The following CPEB3 variants were observed in gnomAD, a reference collection of about 807,000 sequenced individuals.
CPEB3 encodes cytoplasmic polyadenylation element-binding protein 3.
In CPEB3, 20 loss-of-function variants were observed where a neutral mutation model predicts 67.2. The observed-to-expected ratio is 0.30, with a 90% CI of 0.21 to 0.43. The LOEUF is 0.43. CPEB3 is among the 20% of genes least tolerant of loss of function. The probability of loss-of-function intolerance (pLI) is 1.00; values close to 1 mark genes in which losing one functional copy is unlikely to be tolerated. For synonymous variants in CPEB3, 376 were observed against 393.1 expected (o/e 0.96, Z 0.51); for missense variants, 746 against 968.6 (o/e 0.77, Z 3.05).
intron 1 of CPEB3, among the ~76,000 whole-genome samples, chr10:92,246,226 C>G (rs1477521279): frequency 8.6e-5 from 13 of 150,312 alleles, no homozygotes; most frequent in Non-Finnish European, 1.8e-4. Context: ...CCTGGCTACT[C>G]GGGAGGCTGA....
rs963499637 is a variant in CPEB3, at chr10:92,253,706, T to G, written c.-11-13345A>C. On this transcript the variant is annotated intron_variant, in intron 1 of 9. Transcript: ENST00000265997. ...CTGCAGTGAGCTGTGATTGTGCCAC[T>G]GCACTACAGCCTGGGTGACAGTGAG... Among the ~76,000 whole-genome samples the G allele has an allele frequency of 2.0e-5, 3 of 152,080 alleles. No homozygotes were observed. In the East Asian group the frequency reaches 5.8e-4, roughly 29 times the overall value.
chr10:92,054,059 C>T (rs527320058), intron 9 of CPEB3, among the ~76,000 whole-genome samples: 1 of 152,184 alleles, frequency 6.6e-6, no homozygotes, highest in South Asian at 2.1e-4. Flanking sequence ...TTTTCATGTG[C>T]TTGTTGTCCA....
intron 4 of CPEB3, among the ~76,000 whole-genome samples, chr10:92,178,943 G>T (rs1253762849): frequency 2.6e-5 from 4 of 151,998 alleles, no homozygotes; most frequent in Non-Finnish European, 5.9e-5. Context: ...ATCAAACTCT[G>T]GTTGTTCGTA....
At chr10:92,279,680 T>A (rs1019694744) in intron 1 of CPEB3, among the ~76,000 whole-genome samples, 3 of 151,926 alleles carry the variant, frequency 2.0e-5, no homozygotes, top group Non-Finnish European at 4.4e-5. Flanking sequence ...TTAATCAGTT[T>A]GGGGTAAAGA....
chr10:92,160,224 G>T (rs1010594272), intron 4 of CPEB3, among the ~76,000 whole-genome samples: 1 of 151,854 alleles, frequency 6.6e-6, no homozygotes, highest in Non-Finnish European at 1.5e-5. Flanking sequence ...GGATTACAGG[G>T]GTGAGCCACC....
At chr10:92,289,237 G>A (rs767023901) in intron 1 of CPEB3, among the ~76,000 whole-genome samples, 8 of 150,828 alleles carry the variant, frequency 5.3e-5, no homozygotes, top group Non-Finnish European at 7.4e-5. Context: ...GCGAGACTCC[G>A]TCTCAAAAAA....
At chr10:92,075,953 A>C (rs1258968749) in intron 9 of CPEB3, among the ~76,000 whole-genome samples, 1 of 152,204 alleles carries the variant, frequency 6.6e-6, no homozygotes, top group Non-Finnish European at 1.5e-5. Flanking sequence ...CACTGTACAC[A>C]AGAAAGTTGC....
chr10:92,225,674 G>A (rs1213955510), intron 2 of CPEB3, among the ~76,000 whole-genome samples: 5 of 152,094 alleles, frequency 3.3e-5, no homozygotes, highest in South Asian at 4.1e-4. Flanking sequence ...TAAAAATATG[G>A]CTATAAAACT....
intron 9 of CPEB3, among the ~76,000 whole-genome samples, chr10:92,073,730 A>G (rs997435979): frequency 6.6e-6 from 1 of 151,454 alleles, no homozygotes; most frequent in Non-Finnish European, 1.5e-5. Flanking sequence ...GCCTCCCAAA[A>G]CATTAGGATT....
chr10:92,141,449 G>A (rs1026136193), intron 6 of CPEB3, among the ~76,000 whole-genome samples: 2 of 150,188 alleles, frequency 1.3e-5, no homozygotes, highest in East Asian at 2.0e-4. Context: ...CATGGACACA[G>A]GAAGGGGAAC....
chr10:92,235,817 T>C (rs1851503365), intron 2 of CPEB3, among the ~76,000 whole-genome samples: 1 of 152,244 alleles, frequency 6.6e-6, no homozygotes, highest in African/African-American at 2.4e-5. Flanking sequence ...TTTTATCCTC[T>C]GTAAAATGAG....
intron 9 of CPEB3, among the ~76,000 whole-genome samples, chr10:92,079,697 A>G (rs1476948240): frequency 3.3e-5 from 5 of 152,198 alleles, no homozygotes; most frequent in Non-Finnish European, 5.9e-5. Context: ...TATAATCCTG[A>G]ATATGAAAAA....
chr10:92,290,639 T>C (rs1368522501), intron 1 of CPEB3, among the ~76,000 whole-genome samples: 1 of 152,014 alleles, frequency 6.6e-6, no homozygotes, highest in Non-Finnish European at 1.5e-5. Flanking sequence ...GCAGTCCCTA[T>C]TTGCCCGCCC....
At chr10:92,052,624 G>A (rs1032197169) in intron 9 of CPEB3, among the ~76,000 whole-genome samples, 185 bp from the exon 10 acceptor site, 1 of 152,174 alleles carries the variant, frequency 6.6e-6, no homozygotes, top group Non-Finnish European at 1.5e-5. Context: ...TACATCTTGC[G>A]TGATATTAGA....
intron 9 of CPEB3, among the ~76,000 whole-genome samples, chr10:92,064,350 G>A (rs1403697333): frequency 6.6e-6 from 1 of 152,212 alleles, no homozygotes; most frequent in Non-Finnish European, 1.5e-5. Context: ...GTGAGAAGTA[G>A]TATGGGGGCT....
chr10:92,194,262 A>C (rs1329645353), intron 2 of CPEB3, among the ~76,000 whole-genome samples: 1 of 151,790 alleles, frequency 6.6e-6, no homozygotes, highest in African/African-American at 2.4e-5. Flanking sequence ...CAACAAGGTG[A>C]AACCCTGTCT....
intron 1 of CPEB3, among the ~76,000 whole-genome samples, chr10:92,253,795 GA>G (rs1397182467): frequency 6.6e-6 from 1 of 152,042 alleles, no homozygotes; most frequent in Non-Finnish European, 1.5e-5. Flanking sequence ...AAGGTAAAGA[GA>G]AAAAAATAGT....
chr10:92,118,616 G>A (rs1437881316), intron 6 of CPEB3: 6 of 466,720 alleles, frequency 1.3e-5, no homozygotes, highest in African/African-American at 7.9e-5. Context: ...TAAATTAAAG[G>A]AGATTAAAGA....
At chr10:92,132,487 G>T (rs1030825265) in intron 6 of CPEB3, among the ~76,000 whole-genome samples, 2 of 152,040 alleles carry the variant, frequency 1.3e-5, no homozygotes, top group African/African-American at 4.8e-5. Context: ...ATCTTTTAAG[G>T]CATGTCATAA....
Sources: gnomAD v4.1 joint callset for allele counts (sites outside exome capture counted in the v4.1 genomes callset) on GRCh38, gnomAD v4.1.1 for gene constraint, MANE v1.5 for transcripts, NCBI Gene and HGNC (gene_info 2026-07-23, HGNC 2026-07-21) for gene names.